Variants in C11orf65 observed in about 807,000 individuals in gnomAD.
C11orf65 encodes chromosome 11 open reading frame 65.
Under a neutral mutation model 35.3 loss-of-function variants are expected in C11orf65, and 38 were observed. The ratio of observed to expected loss-of-function variants is 1.08; its 90% CI spans 0.83 to 1.41. The LOEUF (loss-of-function observed/expected upper bound fraction) is 1.41. Among genes scored for constraint, C11orf65 ranks in the 40% most tolerant of loss-of-function variants. The pLI is 0.00. For missense variants in C11orf65, 370 were observed against 367.1 expected, an observed-to-expected ratio of 1.01 and a Z score of -0.06; for synonymous variants, 105 against 114.4, an observed-to-expected ratio of 0.92 and a Z score of 0.53.
Position 108,393,281 on chromosome 11 carries a change from C to T in C11orf65, c.658G>A (p.Gly220Arg), listed in dbSNP as rs567356056. ...TKGLIRAFED[G>R]GIDSVMEWEV... is the part of the protein sequence containing the mutation. ...CATTCCATCACAGAATCTATCCCCC[C>T]ATCTTCAAAAGCTCTAATCAGCCCC... Residue 220 changes from glycine (G) to arginine (R), a missense_variant, in exon 7 of 9, where the codon GGG becomes AGG. Gly to Arg is a moderately radical substitution (Grantham distance 125). Transcript: ENST00000393084. 2 of 1,614,068 alleles carry T rather than the reference C, an allele frequency of 1.2e-6. No homozygotes were observed. The highest frequency in any genetic ancestry group is 2.2e-5 in the South Asian group (2 of 91,074).
intron 2 of C11orf65, among the ~76,000 whole-genome samples, chr11:108,448,935 G>C (rs2093307586): frequency 6.6e-6 from 1 of 152,170 alleles, no homozygotes; most frequent in African/African-American, 2.4e-5. Context: ...CTTCAGTAAA[G>C]TCTCAGGATA....
At chr11:108,311,561 A>T (rs1214241454) in intron 6 of C11orf65, among the ~76,000 whole-genome samples, 2 of 152,082 alleles carry the variant, frequency 1.3e-5, no homozygotes, top group Admixed American at 1.3e-4. Flanking sequence ...AGCTGGGCAT[A>T]GTGGCCTGCA....
At position 108,426,901 on chromosome 11, in the gene C11orf65, A is replaced by AT. The variant is rs372649298; in HGVS notation, c.174+4844dup. ...ACAAACACATCTTTGACACTATCTC[A>AT]TTTTTCACAAACCTGACAAAAACAA... is the stretch of plus-strand genomic sequence containing the variant. On this transcript the variant is annotated intron_variant, in intron 3 of 8. Transcript: ENST00000393084. 3.5e-3 allele frequency among the ~76,000 whole-genome samples: 527 copies of AT among 152,216 alleles called. 2 individuals carry two copies. Among genetic ancestry groups the AT allele is most frequent in the African/African-American group, 0.012 (502 of 41,544 alleles).
chr11:108,390,388 G>A (rs969952082), intron 7 of C11orf65, among the ~76,000 whole-genome samples: 16 of 152,136 alleles, frequency 1.1e-4, no homozygotes, highest in African/African-American at 2.4e-4. Context: ...GGATGATGGC[G>A]GGGAAAGTCT....
exon 7 of C11orf65, chr11:108,308,822 T>C: frequency 1.8e-6 from 1 of 555,506 alleles, no homozygotes; most frequent in Non-Finnish European, 3.2e-6. Context: ...TTTTATGCTT[T>C]TCAGTGTCTT....
At chr11:108,387,407 G>A (rs550583816) in intron 7 of C11orf65, among the ~76,000 whole-genome samples, 7 of 151,636 alleles carry the variant, frequency 4.6e-5, no homozygotes, top group South Asian at 2.1e-4. Flanking sequence ...CACCCACCTC[G>A]GCCTCCCAAA....
intron 3 of C11orf65, 132 bp from the exon 4 acceptor site, chr11:108,407,281 C>A (rs534428087): frequency 5.8e-6 from 4 of 688,860 alleles, no homozygotes; most frequent in Non-Finnish European, 8.9e-6. Context: ...GGTGAACCAA[C>A]CTCAAATAAT....
rs138963508 is a variant in C11orf65 at position 108,334,735 on chromosome 11, C to A, written c.299+485G>T. 5.7e-3 allele frequency among the ~76,000 whole-genome samples: 865 copies of A among 152,194 alleles called. 1 individual carries two copies. The highest frequency in any genetic ancestry group is 8.8e-3 in the Non-Finnish European group (600 of 68,002). On this transcript the variant is annotated intron_variant, in intron 3 of 3. Transcript: ENST00000524755. ...TTTTCCAAAATTTACTTTATGTTTT[C>A]GTGAGGAGTTATTTCTCAGATGACT...
At chr11:108,404,489 G>T (rs1456410721) in intron 6 of C11orf65, among the ~76,000 whole-genome samples, 1 of 151,780 alleles carries the variant, frequency 6.6e-6, no homozygotes, top group African/African-American at 2.4e-5. Flanking sequence ...CTCACTGCAA[G>T]CTCCGCCTCC....
At chr11:108,465,126 C>T (rs1426896262) in intron 1 of C11orf65, among the ~76,000 whole-genome samples, 2 of 152,210 alleles carry the variant, frequency 1.3e-5, no homozygotes, top group African/African-American at 2.4e-5. Flanking sequence ...ACAATTTCAT[C>T]ATTTTCCCAA....
rs1555135939 is a variant in C11orf65 at position 108,343,385 on chromosome 11, A to C, written c.227-8093T>G. Reference sequence around the variant, plus strand: ...AAGAAAATGATGGTGAGTGACACCCAAAATTAAAGGTTATTGTAAGATTAT... The same window carrying C: ...AAGAAAATGATGGTGAGTGACACCCCAAATTAAAGGTTATTGTAAGATTAT... On this transcript the variant is annotated intron_variant, in intron 2 of 3. Transcript: ENST00000524755. 1 of 1,613,610 alleles carries C rather than the reference A, an allele frequency of 6.2e-7. No individual in the cohort carries two copies. The highest frequency in any genetic ancestry group is 8.5e-7 in the Non-Finnish European group (1 of 1,179,600).
intron 6 of C11orf65, chr11:108,325,985 C>CATT (rs3212322): frequency 3.3e-6 from 5 of 1,537,510 alleles, no homozygotes; most frequent in African/African-American, 1.4e-5. Flanking sequence ...TTGCTGCTTT[C>CATT]ATTATTATTA....
In C11orf65 at chr11:108,373,733, A is replaced by G. The variant is rs551514755; in HGVS notation, c.226+19475T>C. On this transcript the variant is annotated intron_variant, in intron 2 of 3. Coordinates refer to the C11orf65 transcript ENST00000524755. ...GAAGCAGGGCGTGGCATCGCATCAC[A>G]CGGGAAGCGCAAGGGGTCCGGGAGT... Among the ~76,000 whole-genome samples, 235 of 152,338 alleles carry G rather than the reference A, an allele frequency of 1.5e-3. 1 individual carries two copies. Among genetic ancestry groups the G allele is most frequent in the African/African-American group, 5.4e-3 (224 of 41,594 alleles).
At chr11:108,391,091 A>G (rs1015625665) in intron 7 of C11orf65, among the ~76,000 whole-genome samples, 1 of 150,062 alleles carries the variant, frequency 6.7e-6, no homozygotes, top group Non-Finnish European at 1.5e-5. Flanking sequence ...TTCATGTTCT[A>G]TTGTTCAATG....
chr11:108,352,849 T>C (rs1225893154), intron 2 of C11orf65, among the ~76,000 whole-genome samples: 1 of 152,212 alleles, frequency 6.6e-6, no homozygotes, highest in Non-Finnish European at 1.5e-5. Flanking sequence ...CTTCCATTTA[T>C]ATAACATACT....
chr11:108,468,194 T>C (rs117260715), upstream of C11orf65, among the ~76,000 whole-genome samples: 51 of 152,304 alleles, frequency 3.3e-4, no homozygotes, highest in East Asian at 8.9e-3. Context: ...AACTGATCCT[T>C]CTAGCTATTT....
intron 1 of C11orf65, chr11:108,462,593 C>T (rs1349649855): frequency 6.6e-6 from 1 of 152,116 alleles, no homozygotes; most frequent in Non-Finnish European, 1.5e-5. Flanking sequence ...TGCATAGAGA[C>T]AGAGTTGCAT....
chr11:108,321,536 A>C, intron 6 of C11orf65: 4 of 1,472,744 alleles, frequency 2.7e-6, no homozygotes, highest in Non-Finnish European at 3.7e-6. Flanking sequence ...TAATCCTAGC[A>C]CTTTAGAAGG....
At chr11:108,433,259 C>A (rs2093015992) in intron 2 of C11orf65, among the ~76,000 whole-genome samples, 1 of 148,966 alleles carries the variant, frequency 6.7e-6, no homozygotes, top group South Asian at 2.1e-4. Flanking sequence ...ATATATCTCT[C>A]TCTATATATA....
Sources: allele counts gnomAD v4.1 joint callset (sites outside exome capture counted in the v4.1 genomes callset), GRCh38; gene constraint gnomAD v4.1.1; transcripts MANE v1.5; gene names NCBI Gene and HGNC (gene_info 2026-07-23, HGNC 2026-07-21).